ARHGAP15: variants seen among roughly 807,000 people sequenced by gnomAD.
ARHGAP15 encodes rho GTPase-activating protein 15.
A neutral mutation model predicts 63.7 loss-of-function variants in ARHGAP15; 51 were observed. That is an observed-to-expected ratio of 0.80 (90% CI 0.64 to 1.01). The LOEUF is 1.01. ARHGAP15 is among the 50% of genes least tolerant of loss of function. The probability of loss-of-function intolerance (pLI) is 0.00; values close to 1 mark genes in which losing one functional copy is unlikely to be tolerated. For missense variants in ARHGAP15, 560 were observed against 564.6 expected (o/e 0.99, Z 0.08); for synonymous variants, 191 against 193.8 (o/e 0.99, Z 0.12).
chr2:143,599,268 T>A (rs1481688904), intron 11 of ARHGAP15, among the ~76,000 whole-genome samples: 1 of 152,188 alleles, frequency 6.6e-6, no homozygotes, highest in African/African-American at 2.4e-5. Context: ...GTTAATGAAC[T>A]CAGACATTTG....
chr2:143,137,371 C>CA (rs1253059497), intron 1 of ARHGAP15, among the ~76,000 whole-genome samples: 3 of 151,902 alleles, frequency 2.0e-5, no homozygotes, highest in Non-Finnish European at 2.9e-5. Flanking sequence ...TGACTTTGGG[C>CA]TGTAGAATCA....
chr2:143,664,665 C>A (rs1211858570), intron 12 of ARHGAP15, among the ~76,000 whole-genome samples: 17 of 151,898 alleles, frequency 1.1e-4, no homozygotes, highest in African/African-American at 3.9e-4. Context: ...ATTGATAGAC[C>A]ACTAGCAAGA....
intron 11 of ARHGAP15, among the ~76,000 whole-genome samples, chr2:143,605,561 C>T (rs888129591): frequency 1.3e-5 from 2 of 152,004 alleles, no homozygotes; most frequent in African/African-American, 2.4e-5. Context: ...AAACCATGTC[C>T]CTAGCTAATA....
chr2:143,191,978 C>A (rs747250848), intron 2 of ARHGAP15, among the ~76,000 whole-genome samples: 12 of 152,164 alleles, frequency 7.9e-5, no homozygotes, highest in Non-Finnish European at 1.6e-4. Flanking sequence ...TATCTGGAAT[C>A]AACAGCTTGC....
chr2:143,558,878 A>G (rs1380887464), intron 11 of ARHGAP15, among the ~76,000 whole-genome samples: 6 of 152,184 alleles, frequency 3.9e-5, no homozygotes, highest in South Asian at 2.1e-4. Context: ...AAGAATCTCT[A>G]TAACTGAGAA....
At chr2:143,537,178 T>C (rs1694811271) in intron 10 of ARHGAP15, among the ~76,000 whole-genome samples, 1 of 152,228 alleles carries the variant, frequency 6.6e-6, no homozygotes, top group Non-Finnish European at 1.5e-5. Context: ...AATGTCTTCT[T>C]TTGAGAAGTG....
chr2:143,216,135 G>C (rs1223005614), intron 3 of ARHGAP15, among the ~76,000 whole-genome samples: 1 of 152,146 alleles, frequency 6.6e-6, no homozygotes, highest in African/African-American at 2.4e-5. Flanking sequence ...AGAAAGAAAA[G>C]TCAATAAAGG....
At chr2:143,432,159 T>A (rs1277451831) in intron 6 of ARHGAP15, among the ~76,000 whole-genome samples, 3 of 152,084 alleles carry the variant, frequency 2.0e-5, no homozygotes, top group African/African-American at 7.2e-5. Flanking sequence ...TCCCAAATTC[T>A]ACACAATGAA....
chr2:143,331,918 G>A (rs1205891059), intron 6 of ARHGAP15, among the ~76,000 whole-genome samples: 1 of 152,084 alleles, frequency 6.6e-6, no homozygotes, highest in Admixed American at 6.5e-5. Flanking sequence ...ACTATCCAGA[G>A]CCATGTTAAA....
chr2:143,730,810 G>A (rs181905252), intron 13 of ARHGAP15, among the ~76,000 whole-genome samples: 2 of 131,490 alleles, frequency 1.5e-5, no homozygotes, highest in East Asian at 2.5e-4. Flanking sequence ...GAAGGTTTTT[G>A]TTTGGGTGGT....
intron 11 of ARHGAP15, among the ~76,000 whole-genome samples, chr2:143,576,632 A>G (rs1696691590): frequency 1.3e-5 from 2 of 152,136 alleles, no homozygotes; most frequent in Admixed American, 6.6e-5. Context: ...ATAACCTAGC[A>G]TACCTTTAAT....
chr2:143,301,870 C>CAT (rs953014486), intron 6 of ARHGAP15, among the ~76,000 whole-genome samples: 1 of 151,422 alleles, frequency 6.6e-6, no homozygotes, highest in African/African-American at 2.4e-5. Flanking sequence ...TATGGAGACA[C>CAT]ATATATATGG....
At chr2:143,710,396 C>T (rs530956159) in intron 13 of ARHGAP15, among the ~76,000 whole-genome samples, 1 of 152,240 alleles carries the variant, frequency 6.6e-6, no homozygotes, top group Non-Finnish European at 1.5e-5. Flanking sequence ...CCCAACTCCC[C>T]ATAGTAATCA....
intron 12 of ARHGAP15, among the ~76,000 whole-genome samples, chr2:143,663,221 C>A (rs1283488204): frequency 1.4e-5 from 2 of 142,506 alleles, no homozygotes; most frequent in Non-Finnish European, 3.1e-5. Context: ...GATCTCTCGG[C>A]AGAAACCCTA....
intron 6 of ARHGAP15, among the ~76,000 whole-genome samples, chr2:143,360,489 G>A (rs1178729132): frequency 6.7e-6 from 1 of 148,292 alleles, no homozygotes; most frequent in African/African-American, 2.6e-5. Flanking sequence ...AAGTCAACAC[G>A]ATATAAATTT....
At chr2:143,442,578 G>T (rs1418899152) in intron 8 of ARHGAP15, among the ~76,000 whole-genome samples, 1 of 152,144 alleles carries the variant, frequency 6.6e-6, no homozygotes, top group Non-Finnish European at 1.5e-5. Context: ...AAAAAGGAGA[G>T]AATTGAGGAC....
intron 6 of ARHGAP15, among the ~76,000 whole-genome samples, chr2:143,270,844 G>A (rs1278677631): frequency 6.6e-6 from 1 of 152,034 alleles, no homozygotes; most frequent in Non-Finnish European, 1.5e-5. Context: ...TTTGGCACTC[G>A]TGTTTATATC....
At chr2:143,170,060 G>T (rs1418488167) in intron 2 of ARHGAP15, among the ~76,000 whole-genome samples, 1 of 149,988 alleles carries the variant, frequency 6.7e-6, no homozygotes, top group East Asian at 1.9e-4. Context: ...GCTGCTCTGT[G>T]TGCCTCACTC....
At chr2:143,527,431 T>C (rs573938381) in intron 10 of ARHGAP15, among the ~76,000 whole-genome samples, 1 of 152,056 alleles carries the variant, frequency 6.6e-6, no homozygotes, top group Non-Finnish European at 1.5e-5. Context: ...GTTTTATCTC[T>C]CTTTGCCTGA....
Sources: gnomAD v4.1 joint callset for allele counts (sites outside exome capture counted in the v4.1 genomes callset) on GRCh38, gnomAD v4.1.1 for gene constraint, MANE v1.5 for transcripts, NCBI Gene and HGNC (gene_info 2026-07-23, HGNC 2026-07-21) for gene names.